Variants in PCMT1 observed in about 807,000 individuals in gnomAD.
The protein encoded by PCMT1 is protein-L-isoaspartate(D-aspartate) O-methyltransferase.
Under a neutral mutation model 29.2 loss-of-function variants are expected in PCMT1, and 9 were observed. The ratio of observed to expected loss-of-function variants is 0.31; its 90% CI spans 0.19 to 0.54. PCMT1 has a LOEUF of 0.54. Ranked by LOEUF, PCMT1 falls within the 20% of genes least tolerant of loss-of-function variation. The pLI is 0.95. For synonymous variants in PCMT1, 98 were observed against 97.5 expected, an observed-to-expected ratio of 1.00 and a Z score of -0.03; for missense variants, 184 against 282.2, an observed-to-expected ratio of 0.65 and a Z score of 2.49.
chr6:149,783,353 G>A (rs146141473), intron 3 of PCMT1, among the ~76,000 whole-genome samples: 119 of 152,138 alleles, frequency 7.8e-4, no homozygotes, highest in African/African-American at 2.3e-3. Flanking sequence ...GCCTGGTCTC[G>A]AACTCTTGAC....
chr6:149,757,610 C>T (rs1409018679), intron 1 of PCMT1, among the ~76,000 whole-genome samples: 1 of 152,046 alleles, frequency 6.6e-6, no homozygotes, highest in Non-Finnish European at 1.5e-5. Flanking sequence ...AGGGTCAAAC[C>T]AGGACAAATG....
intron 1 of PCMT1, among the ~76,000 whole-genome samples, chr6:149,767,798 C>T (rs1042083911): frequency 5.8e-4 from 86 of 147,356 alleles, no homozygotes; most frequent in African/African-American, 2.1e-3. Context: ...ATTTTTTGTT[C>T]GTTTGTTTGT....
chr6:149,752,954 A>G (rs867612471), intron 1 of PCMT1, among the ~76,000 whole-genome samples: 2 of 152,342 alleles, frequency 1.3e-5, no homozygotes, highest in South Asian at 4.1e-4. Flanking sequence ...AATAAGGAAT[A>G]TTTAATATAC....
At chr6:149,756,512 C>CTTTTTTTTTTTT (rs61038108) in intron 1 of PCMT1, among the ~76,000 whole-genome samples, 4 of 74,720 alleles carry the variant, frequency 5.4e-5, no homozygotes, top group African/African-American at 1.1e-4. Flanking sequence ...CCATGACTGG[C>CTTTTTTTTTTTT]TTTTTTTTTT....
chr6:149,762,904 ATATC>A (rs1475730440), intron 1 of PCMT1, among the ~76,000 whole-genome samples: 2 of 57,700 alleles, frequency 3.5e-5, no homozygotes, highest in South Asian at 1.0e-3. Context: ...TCTATGATAT[ATATC>A]TATGATATAT....
chr6:149,786,009 C>T (rs1309003884), intron 3 of PCMT1, among the ~76,000 whole-genome samples: 6 of 149,672 alleles, frequency 4.0e-5, no homozygotes, highest in South Asian at 2.1e-4. Context: ...CCTCACCTCC[C>T]GGACGGGGCG....
chr6:149,758,683 T>C (rs1786616989), intron 1 of PCMT1, among the ~76,000 whole-genome samples: 1 of 152,128 alleles, frequency 6.6e-6, no homozygotes, highest in South Asian at 2.1e-4. Flanking sequence ...AAGGAACATA[T>C]CCTTTGAGAA....
intron 1 of PCMT1, chr6:149,765,849 C>A: frequency 5.7e-6 from 1 of 174,648 alleles, no homozygotes; most frequent in Non-Finnish European, 1.2e-5. Context: ...ATCTGTAATC[C>A]CAGCTACTTA....
At chr6:149,754,802 C>T (rs982280418) in intron 1 of PCMT1, among the ~76,000 whole-genome samples, 3 of 152,166 alleles carry the variant, frequency 2.0e-5, no homozygotes, top group Non-Finnish European at 4.4e-5. Flanking sequence ...GCCCGTTTGT[C>T]ACTTAGTAGC....
intron 1 of PCMT1, among the ~76,000 whole-genome samples, chr6:149,769,514 A>G (rs1787224864): frequency 6.6e-6 from 1 of 151,376 alleles, no homozygotes; most frequent in Non-Finnish European, 1.5e-5. Context: ...GGGTTTCACC[A>G]TGTTGGACAG....
At chr6:149,779,242 AT>A (rs60166849) in intron 3 of PCMT1, among the ~76,000 whole-genome samples, 47,036 of 151,880 alleles carry the variant, frequency 0.31, 8,162 homozygotes, top group East Asian at 0.49. Context: ...ATTCCCAAGG[AT>A]GTAAAACATA....
intron 1 of PCMT1, chr6:149,750,161 G>A: frequency 2.8e-6 from 2 of 706,134 alleles, no homozygotes; most frequent in Admixed American, 3.0e-5. Flanking sequence ...GGACTGGAAG[G>A]GGAGAGAAAG....
intron 7 of PCMT1, among the ~76,000 whole-genome samples, chr6:149,809,575 AG>A (rs1311349080): frequency 6.6e-6 from 1 of 152,184 alleles, no homozygotes; most frequent in Non-Finnish European, 1.5e-5. Flanking sequence ...TACAAAATTT[AG>A]TTTAAAAAAA....
chr6:149,805,215 A>G (rs975283556), intron 7 of PCMT1, among the ~76,000 whole-genome samples: 3 of 152,228 alleles, frequency 2.0e-5, no homozygotes, highest in Non-Finnish European at 4.4e-5. Context: ...GCTGGGCAAC[A>G]GAGCAAGACC....
chr6:149,804,552 C>T (rs1281940738), intron 7 of PCMT1, among the ~76,000 whole-genome samples: 4 of 152,000 alleles, frequency 2.6e-5, no homozygotes, highest in Non-Finnish European at 4.4e-5. Flanking sequence ...TGCTCTGTTA[C>T]CCAGGCTGTG....
chr6:149,806,702 T>A, intron 7 of PCMT1, among the ~76,000 whole-genome samples: 1 of 152,092 alleles, frequency 6.6e-6, no homozygotes, highest in Admixed American at 6.6e-5. Flanking sequence ...CGATCCCCCC[T>A]GCCTCAGCCT....
At chr6:149,805,150 GAGGATCACTTAAGC>G (rs1775969434) in intron 7 of PCMT1, among the ~76,000 whole-genome samples, 1 of 152,160 alleles carries the variant, frequency 6.6e-6, no homozygotes, top group Admixed American at 6.5e-5. Flanking sequence ...GCTGAGATAA[GAGGATCACTTAAGC>G]CCAGAAGCGG....
intron 1 of PCMT1, among the ~76,000 whole-genome samples, chr6:149,754,229 C>G (rs957816940): frequency 1.3e-5 from 2 of 152,118 alleles, no homozygotes; most frequent in Non-Finnish European, 1.5e-5. Context: ...AAAAAATTAA[C>G]TTAATGAAAT....
chr6:149,809,366 T>C (rs1185435632), intron 7 of PCMT1, among the ~76,000 whole-genome samples: 1 of 148,140 alleles, frequency 6.8e-6, no homozygotes, highest in Non-Finnish European at 1.5e-5. Context: ...ACTTTGCAAA[T>C]AATTCTTTGT....
Sources: gnomAD v4.1 joint callset for allele counts (sites outside exome capture counted in the v4.1 genomes callset) on GRCh38, gnomAD v4.1.1 for gene constraint, MANE v1.5 for transcripts, NCBI Gene and HGNC (gene_info 2026-07-23, HGNC 2026-07-21) for gene names.